Variants in PTPRD observed in about 807,000 individuals in gnomAD.
The protein encoded by PTPRD is protein tyrosine phosphatase receptor type D, also known as receptor-type tyrosine-protein phosphatase delta.
A neutral mutation model predicts 214.5 loss-of-function variants in PTPRD; 34 were observed. The observed-to-expected ratio is 0.16, with a 90% CI of 0.12 to 0.21. The LOEUF is 0.21. Among genes scored for constraint, PTPRD ranks in the 10% least tolerant of loss-of-function variants. The pLI is 1.00. For synonymous variants in PTPRD, 1,128 were observed against 845.7 expected (o/e 1.33, Z -5.79); for missense variants, 2,545 against 2,398.7 (o/e 1.06, Z -1.27).
At chr9:9,740,010 A>G (rs1206667163) in intron 6 of PTPRD, among the ~76,000 whole-genome samples, 3 of 152,182 alleles carry the variant, frequency 2.0e-5, no homozygotes. Flanking sequence ...TAATTTGTAC[A>G]CAAAGCACTT....
chr9:9,169,764 C>T (rs1192197898), intron 10 of PTPRD, among the ~76,000 whole-genome samples: 1 of 152,156 alleles, frequency 6.6e-6, no homozygotes, highest in Non-Finnish European at 1.5e-5. Context: ...TCTAAAAAGG[C>T]ATCTGTAGTC....
In PTPRD at chr9:10,564,251, G is replaced by C. The variant is rs1238306453; in HGVS notation, c.-600+48147C>G. 2.3e-5 allele frequency among the ~76,000 whole-genome samples: 3 copies of C among 129,258 alleles called. No homozygotes were observed. The Admixed American group carries it at 2.8e-4, about 12-fold the overall frequency. 84.8% of individuals were successfully genotyped at this position (129,258 alleles called of 152,430 possible). A position where few individuals can be genotyped will look rare whatever the true frequency, so the allele number is the denominator to read the frequency against. ...GCTTGTCTGGAATTCCTGGGCTAAA[G>C]TGATCCTCCCACCTCAGCCTCCCAA... On this transcript the variant is annotated intron_variant, in intron 2 of 45. Coordinates refer to ENST00000381196, the MANE Select transcript of PTPRD (RefSeq NM_002839.4).
chr9:10,534,111 GA>G (rs1274893451), intron 2 of PTPRD, among the ~76,000 whole-genome samples: 5 of 151,526 alleles, frequency 3.3e-5, no homozygotes, highest in Non-Finnish European at 7.4e-5. Flanking sequence ...TTCATTAAGG[GA>G]AACCCTTACT....
At chr9:9,901,370 T>A (rs916535751) in intron 5 of PTPRD, among the ~76,000 whole-genome samples, 7 of 152,162 alleles carry the variant, frequency 4.6e-5, no homozygotes, top group African/African-American at 1.7e-4. Context: ...AGGCAACATG[T>A]GGGATAAGTT....
At position 8,454,532 on chromosome 9, in the gene PTPRD, T is replaced by C. The variant is rs756332284; in HGVS notation, c.3876-4695A>G. 22 of 1,606,820 alleles carry C rather than the reference T, an allele frequency of 1.4e-5. 1 individual carries two copies. Among genetic ancestry groups the C allele is most frequent in the Admixed American group, 1.2e-4 (7 of 59,642 alleles). The stretch of plus-strand genomic sequence containing the variant: ...TCAACAACTCTGAAGTCTACCAGTT[T>C]ATTTTTTTCTTACTGAACATTAAAG... On this transcript the variant is annotated intron_variant, in intron 33 of 45. Coordinates refer to ENST00000381196, the MANE Select transcript of PTPRD (RefSeq NM_002839.4).
At chr9:8,403,731 C>T (rs959327052) in intron 36 of PTPRD, among the ~76,000 whole-genome samples, 2 of 152,166 alleles carry the variant, frequency 1.3e-5, no homozygotes, top group Non-Finnish European at 2.9e-5. Flanking sequence ...CCAAGCAGTC[C>T]ACAAATTAGA....
chr9:9,307,489 G>C (rs1957497521), intron 9 of PTPRD, among the ~76,000 whole-genome samples: 1 of 152,106 alleles, frequency 6.6e-6, no homozygotes, highest in Non-Finnish European at 1.5e-5. Context: ...AAACCTGAAA[G>C]TCTTCTTTAG....
intron 10 of PTPRD, among the ~76,000 whole-genome samples, chr9:9,159,861 G>C (rs936943287): frequency 5.3e-5 from 8 of 152,056 alleles, no homozygotes; most frequent in African/African-American, 1.4e-4. Flanking sequence ...CAGACACATC[G>C]ACCAACAAAA....
At chr9:9,129,526 G>C (rs2099839363) in intron 10 of PTPRD, among the ~76,000 whole-genome samples, 1 of 152,040 alleles carries the variant, frequency 6.6e-6, no homozygotes, top group Non-Finnish European at 1.5e-5. Context: ...AGGAAGTCTT[G>C]GTCCTTTTAG....
At chr9:8,438,458 C>A (rs886450071) in intron 34 of PTPRD, among the ~76,000 whole-genome samples, 1 of 152,006 alleles carries the variant, frequency 6.6e-6, no homozygotes, top group African/African-American at 2.4e-5. Context: ...ATTTTGGAAC[C>A]CTTTCTGAAA....
chr9:9,070,211 T>A (rs1269918419), intron 10 of PTPRD, among the ~76,000 whole-genome samples: 1 of 152,178 alleles, frequency 6.6e-6, no homozygotes, highest in Non-Finnish European at 1.5e-5. Context: ...TACACAGAGG[T>A]TGGAGAAGGA....
At chr9:9,843,880 A>G (rs2058883121) in intron 5 of PTPRD, among the ~76,000 whole-genome samples, 1 of 152,064 alleles carries the variant, frequency 6.6e-6, no homozygotes, top group Non-Finnish European at 1.5e-5. Context: ...TTAGCCAGTT[A>G]TCTTATCGAA....
chr9:10,116,353 A>C (rs752890294), intron 3 of PTPRD, among the ~76,000 whole-genome samples: 2 of 152,134 alleles, frequency 1.3e-5, no homozygotes, highest in Admixed American at 6.6e-5. Flanking sequence ...TCAGGGGGTC[A>C]CTTAATTGAT....
intron 12 of PTPRD, among the ~76,000 whole-genome samples, chr9:8,699,372 G>C (rs2098017196): frequency 6.6e-6 from 1 of 152,036 alleles, no homozygotes; most frequent in African/African-American, 2.4e-5. Flanking sequence ...AAGTAAAAAA[G>C]ATTAATTCCT....
At chr9:8,955,162 C>G (rs746950187) in intron 11 of PTPRD, among the ~76,000 whole-genome samples, 1 of 151,768 alleles carries the variant, frequency 6.6e-6, no homozygotes, top group Non-Finnish European at 1.5e-5. Context: ...ATATGAAGAG[C>G]TAATATTAGG....
intron 7 of PTPRD, among the ~76,000 whole-genome samples, chr9:9,690,033 C>T (rs2097239794): frequency 6.6e-6 from 1 of 151,726 alleles, no homozygotes; most frequent in African/African-American, 2.4e-5. Flanking sequence ...GGTTATATAG[C>T]AGTTCTATTT....
intron 14 of PTPRD, among the ~76,000 whole-genome samples, chr9:8,564,489 G>A (rs1023360017): frequency 3.3e-5 from 5 of 151,976 alleles, no homozygotes; most frequent in Non-Finnish European, 7.4e-5. Flanking sequence ...CACTTGAGGA[G>A]TTTGAGTTTG....
intron 7 of PTPRD, among the ~76,000 whole-genome samples, chr9:9,604,463 T>C (rs1351874124): frequency 1.3e-5 from 2 of 152,064 alleles, no homozygotes; most frequent in Admixed American, 1.3e-4. Flanking sequence ...TAACAAATTA[T>C]TTGTATGTTT....
At chr9:10,178,669 G>A (rs185463751) in intron 3 of PTPRD, among the ~76,000 whole-genome samples, 10 of 152,064 alleles carry the variant, frequency 6.6e-5, no homozygotes, top group African/African-American at 2.2e-4. Flanking sequence ...GAAGAGTTCA[G>A]ATACATCAGG....
Sources: allele counts gnomAD v4.1 joint callset (sites outside exome capture counted in the v4.1 genomes callset), GRCh38; gene constraint gnomAD v4.1.1; transcripts MANE v1.5; gene names NCBI Gene and HGNC (gene_info 2026-07-23, HGNC 2026-07-21).